HYDIN: variants seen among roughly 807,000 people sequenced by gnomAD.
The protein encoded by HYDIN is axonemal central pair apparatus protein HYDIN.
Under a neutral mutation model 403.9 loss-of-function variants are expected in HYDIN, and 132 were observed. That is an observed-to-expected ratio of 0.33 (90% confidence interval 0.28 to 0.38). The LOEUF is 0.38. Ranked by LOEUF, HYDIN falls within the 10% of genes least tolerant of loss-of-function variation. The pLI, the probability that HYDIN is intolerant of heterozygous loss-of-function variation, is 1.00. For missense variants in HYDIN, 2,827 were observed against 5,009.5 expected, an observed-to-expected ratio of 0.56 and a Z score of 13.15; for synonymous variants, 1,202 against 1,891.7, an observed-to-expected ratio of 0.64 and a Z score of 9.46.
intron 76 of HYDIN, among the ~76,000 whole-genome samples, chr16:70,838,720 G>A (rs1206801131): frequency 1.3e-5 from 2 of 152,052 alleles, no homozygotes; most frequent in Non-Finnish European, 2.9e-5. Context: ...TCTGTAAAAT[G>A]GGGGTAATGA....
chr16:70,999,030 G>A (rs543694719), intron 23 of HYDIN, among the ~76,000 whole-genome samples: 5 of 152,306 alleles, frequency 3.3e-5, no homozygotes, highest in South Asian at 4.1e-4. Context: ...AACTGGTCAC[G>A]TGTGCTAAGG....
chr16:70,992,056 G>A lies in HYDIN; in HGVS notation c.3785+14C>T. 6.2e-7 allele frequency: 1 copy of A among 1,613,540 alleles called. No individual in the cohort carries two copies. Among genetic ancestry groups the A allele is most frequent in the Non-Finnish European group, 8.5e-7 (1 of 1,179,806 alleles). ...AAAGCTACTACAAATAATCTATGTTGGCTTTGCACTTACTTAACAAAATCA... is the reference window on the plus strand; with the variant it reads ...AAAGCTACTACAAATAATCTATGTTAGCTTTGCACTTACTTAACAAAATCA... On this transcript the variant is annotated intron_variant, in intron 24 of 85. Coordinates refer to ENST00000393567, the MANE Select transcript of HYDIN (RefSeq NM_001270974.2).
intron 18 of HYDIN, among the ~76,000 whole-genome samples, chr16:71,038,730 G>A (rs1396168286): frequency 2.0e-5 from 3 of 152,226 alleles, no homozygotes; most frequent in Admixed American, 6.5e-5. Context: ...GCGCCATCTC[G>A]GACCACTGCA....
chr16:70,995,901 G>C (rs1450210107), intron 23 of HYDIN, among the ~76,000 whole-genome samples: 2 of 151,334 alleles, frequency 1.3e-5, no homozygotes, highest in African/African-American at 4.9e-5. Context: ...AGCAGATGCT[G>C]CCAGTGCACT....
At position 70,920,888 on chromosome 16, in the gene HYDIN, G is replaced by T; in HGVS notation, c.7488C>A (p.Asp2496Glu). The T allele has an allele frequency of 6.2e-7, 1 of 1,611,372 alleles. No individual in the cohort carries two copies. The highest frequency in any genetic ancestry group is 8.5e-7 in the Non-Finnish European group (1 of 1,178,606). ...GCCCACCCAAGGGGACCTGGCGCTGGTCGTCGGGCTCATGGGGCGCTTCCT... is the reference window on the plus strand; with the variant it reads ...GCCCACCCAAGGGGACCTGGCGCTGTTCGTCGGGCTCATGGGGCGCTTCCT... ...GMEEAPHEPD[D>E]QRQVPLGGRR... The change falls in exon 46 of 86, where the codon GAC becomes GAA. Residue 2496 changes from aspartate (D) to glutamate (E), a missense_variant. Physicochemically the swap from Asp to Glu is conservative, Grantham distance 45. Transcript: ENST00000393567.
At chr16:71,214,359 C>A (rs1355963503) in intron 1 of HYDIN, among the ~76,000 whole-genome samples, 1 of 151,992 alleles carries the variant, frequency 6.6e-6, no homozygotes, top group African/African-American at 2.4e-5. Flanking sequence ...AAAATTTAGT[C>A]CTCAAAAAAA....
chr16:71,203,647 G>A (rs1347399268), intron 1 of HYDIN: 4 of 424,646 alleles, frequency 9.4e-6, no homozygotes, highest in Non-Finnish European at 1.9e-5. Context: ...TCTGGATTAG[G>A]TAACCCAGGA....
rs1369667718 is a variant in HYDIN at position 70,967,676 on chromosome 16, CG to C, written c.5620-2781del. Reference sequence around the variant, plus strand: ...TTTTTTTTGTATTTTTTAGTAGACACGGGGTTTCACCGTGTTAGCCAGGATG... The same window carrying C: ...TTTTTTTTGTATTTTTTAGTAGACACGGGTTTCACCGTGTTAGCCAGGATG... On this transcript the variant is annotated intron_variant, in intron 36 of 85. Transcript: ENST00000393567. Among the ~76,000 whole-genome samples the C allele has an allele frequency of 3.2e-4, 49 of 152,226 alleles. No individual in the cohort carries two copies. In the South Asian group the frequency reaches 1.0e-2, roughly 31 times the overall value.
intron 75 of HYDIN, among the ~76,000 whole-genome samples, chr16:70,842,218 C>G (rs545193934): frequency 7.9e-5 from 12 of 151,914 alleles, no homozygotes; most frequent in African/African-American, 2.4e-4. Context: ...TTTCATAGTG[C>G]TATTCAAGTC....
At chr16:70,875,054 T>C (rs1326018354) in intron 62 of HYDIN, 135 bp from the exon 63 acceptor site, 2 of 1,033,042 alleles carry the variant, frequency 1.9e-6, no homozygotes, top group East Asian at 5.6e-5. Flanking sequence ...TTTTTTGAAT[T>C]TCTTAAGAGA....
chr16:71,040,101 A>G (rs1249431558), intron 18 of HYDIN, among the ~76,000 whole-genome samples: 1 of 151,220 alleles, frequency 6.6e-6, no homozygotes. Flanking sequence ...TCCTGCACCC[A>G]CTCACCTGTG....
intron 45 of HYDIN, among the ~76,000 whole-genome samples, chr16:70,921,969 G>C (rs968746838): frequency 1.3e-5 from 2 of 152,138 alleles, no homozygotes; most frequent in African/African-American, 4.8e-5. Flanking sequence ...CCTCGGGTAG[G>C]CTCCATCGTT....
At position 70,970,300 on chromosome 16, in the gene HYDIN, T is replaced by C. The variant is rs370936711; in HGVS notation, c.5619+220A>G. ...TAACTCAACTTCAAATACAATGATA[T>C]TGACAAGTTGCTATATACGGTTCTT... On this transcript the variant is annotated intron_variant, in intron 36 of 85. Coordinates refer to ENST00000393567, the MANE Select transcript of HYDIN (RefSeq NM_001270974.2). Among the ~76,000 whole-genome samples, 661 of 85,622 alleles carry C rather than the reference T, an allele frequency of 7.7e-3. 5 individuals carry two copies. The highest frequency in any genetic ancestry group is 0.048 in the Middle Eastern group (8 of 168). The allele number at this position is 85,622 out of a possible 152,430, so 56.2% of individuals were successfully genotyped here. A position where few individuals can be genotyped will look rare whatever the true frequency, so the allele number is the denominator to read the frequency against.
intron 45 of HYDIN, among the ~76,000 whole-genome samples, chr16:70,922,784 CCT>C (rs2077033220): frequency 7.5e-6 from 1 of 132,540 alleles, no homozygotes; most frequent in Non-Finnish European, 1.6e-5. Context: ...GCTTTTATAA[CCT>C]TTTTTTTTTT....
chr16:70,888,677 C>T (rs1311959438), intron 58 of HYDIN, among the ~76,000 whole-genome samples: 2 of 152,024 alleles, frequency 1.3e-5, no homozygotes, highest in East Asian at 3.9e-4. Flanking sequence ...TGGTGGGGGA[C>T]ACTTGTTACC....
chr16:70,833,931 G>A lies in HYDIN; in HGVS notation c.13635C>T (p.Ala4545=), dbSNP rs1186174012. ...TGTTCATCATGAGGATGCGACGTGT[G>A]GCTTGCGTCTGATACACCACGGGTC... ...PFGPVVYQTQ[A]TRRILMMNTG... is the part of the protein sequence containing the mutation. Residue 4545 remains alanine (A), a synonymous_variant, in exon 79 of 86, where the codon GCC becomes GCT. Transcript: ENST00000393567. 2 of 1,613,678 alleles carry A rather than the reference G, an allele frequency of 1.2e-6. No individual in the cohort carries two copies. Among genetic ancestry groups the A allele is most frequent in the Admixed American group, 1.7e-5 (1 of 60,014 alleles).
At chr16:71,028,526 G>C (rs1275052994) in intron 19 of HYDIN, among the ~76,000 whole-genome samples, 1 of 151,418 alleles carries the variant, frequency 6.6e-6, no homozygotes, top group Non-Finnish European at 1.5e-5. Context: ...GGATTTCTAA[G>C]ATCTCGGATA....
chr16:71,163,810 G>A (rs1313516215), intron 5 of HYDIN, among the ~76,000 whole-genome samples: 1 of 152,206 alleles, frequency 6.6e-6, no homozygotes, highest in Non-Finnish European at 1.5e-5. Context: ...ACAGTCTTGT[G>A]AGCAATAATA....
At chr16:70,914,159 T>C (rs1267983309) in intron 47 of HYDIN, among the ~76,000 whole-genome samples, 4 of 152,204 alleles carry the variant, frequency 2.6e-5, no homozygotes, top group Non-Finnish European at 4.4e-5. Flanking sequence ...CCATTAATTG[T>C]GCTATTTGTT....
Sources: gnomAD v4.1 joint callset for allele counts (sites outside exome capture counted in the v4.1 genomes callset) on GRCh38, gnomAD v4.1.1 for gene constraint, MANE v1.5 for transcripts, NCBI Gene and HGNC (gene_info 2026-07-23, HGNC 2026-07-21) for gene names.